The following XKR6 variants were observed in gnomAD, a reference collection of about 807,000 sequenced individuals.
The protein encoded by XKR6 is XK-related protein 6.
XKR6 carries 22 observed loss-of-function variants against 56.7 expected under a neutral mutation model. That is an observed-to-expected ratio of 0.39 (90% CI 0.28 to 0.55). XKR6 has a LOEUF of 0.55. XKR6 is among the 20% of genes least tolerant of loss of function. The probability of loss-of-function intolerance (pLI) is 0.66; values close to 1 mark genes in which losing one functional copy is unlikely to be tolerated. For synonymous variants in XKR6, 524 were observed against 387.8 expected, an observed-to-expected ratio of 1.35 and a Z score of -4.13; for missense variants, 852 against 889.0, an observed-to-expected ratio of 0.96 and a Z score of 0.53.
intron 1 of XKR6, among the ~76,000 whole-genome samples, chr8:11,043,782 G>C (rs191185240): frequency 6.6e-6 from 1 of 152,142 alleles, no homozygotes; most frequent in African/African-American, 2.4e-5. Context: ...ACATACTCCC[G>C]TTTTCATTTA....
At chr8:11,143,136 T>A (rs1247377007) in intron 1 of XKR6, among the ~76,000 whole-genome samples, 1 of 152,140 alleles carries the variant, frequency 6.6e-6, no homozygotes, top group African/African-American at 2.4e-5. Flanking sequence ...TTACAATCCT[T>A]AATAAATTAA....
chr8:11,010,027 GA>G (rs1187546298), intron 1 of XKR6, among the ~76,000 whole-genome samples: 2 of 152,188 alleles, frequency 1.3e-5, no homozygotes, highest in Non-Finnish European at 2.9e-5. Context: ...AATTTATAAA[GA>G]AGAGAGGTTT....
chr8:10,932,325 C>T (rs1338460636), intron 1 of XKR6, among the ~76,000 whole-genome samples: 1 of 152,168 alleles, frequency 6.6e-6, no homozygotes, highest in Non-Finnish European at 1.5e-5. Flanking sequence ...ACATACTCTC[C>T]ACATATGACC....
intron 1 of XKR6, among the ~76,000 whole-genome samples, chr8:11,074,930 T>G (rs1800231564): frequency 6.6e-6 from 1 of 152,208 alleles, no homozygotes; most frequent in Non-Finnish European, 1.5e-5. Flanking sequence ...AAAGCTGCTC[T>G]AGGGCAGTGG....
rs80214350 is a variant in XKR6, at chr8:11,127,811, G to A, written c.764+72765C>T. 1.5e-3 allele frequency among the ~76,000 whole-genome samples: 221 copies of A among 152,200 alleles called. 2 individuals are homozygous for A. The South Asian group carries it at 0.018, about 13-fold the overall frequency. On this transcript the variant is annotated intron_variant, in intron 1 of 2. Transcript: ENST00000416569. ...GATTGGAATATGGACACTGCGGGGG[G>A]CGCCATTAATGTGTCTACCCCAGGG...
At chr8:10,907,156 A>G (rs1302726388) in intron 2 of XKR6, among the ~76,000 whole-genome samples, 3 of 152,224 alleles carry the variant, frequency 2.0e-5, no homozygotes, top group Non-Finnish European at 4.4e-5. Flanking sequence ...GGAGATCAGG[A>G]AAAACCCAAG....
At chr8:11,115,697 C>A (rs945106289) in intron 1 of XKR6, among the ~76,000 whole-genome samples, 1 of 152,130 alleles carries the variant, frequency 6.6e-6, no homozygotes. Context: ...TCATCTTAAC[C>A]CATTTCTGCC....
chr8:10,995,356 T>C (rs1456549876), intron 1 of XKR6, among the ~76,000 whole-genome samples: 1 of 148,798 alleles, frequency 6.7e-6, no homozygotes, highest in East Asian at 1.9e-4. Flanking sequence ...ATCACATATA[T>C]ATATATGTTA....
At chr8:11,011,579 T>C (rs1411452557) in intron 1 of XKR6, among the ~76,000 whole-genome samples, 2 of 152,220 alleles carry the variant, frequency 1.3e-5, no homozygotes, top group African/African-American at 4.8e-5. Flanking sequence ...AACCTCTGGC[T>C]ATGTGGAACT....
chr8:11,021,930 C>G (rs536276604), intron 1 of XKR6, among the ~76,000 whole-genome samples: 2 of 151,970 alleles, frequency 1.3e-5, no homozygotes, highest in East Asian at 3.9e-4. Context: ...TCATTGCTGG[C>G]TGGTACCAGC....
intron 1 of XKR6, among the ~76,000 whole-genome samples, chr8:10,926,972 C>G (rs1014944286): frequency 6.6e-6 from 1 of 152,080 alleles, no homozygotes; most frequent in South Asian, 2.1e-4. Flanking sequence ...CAGACACACA[C>G]GGAGAGACAC....
In XKR6 at chr8:10,957,399, C is replaced by A. The variant is rs112902238; in HGVS notation, c.765-32569G>T. On this transcript the variant is annotated intron_variant, in intron 1 of 2. Coordinates refer to ENST00000416569, the MANE Select transcript of XKR6 (RefSeq NM_173683.4). ...TGTCACCATTGGAACACCCCATTCC[C>A]TTCCTTCAGGCCCTTCTACTCCCTG... Among the ~76,000 whole-genome samples, 1,231 of 152,328 alleles carry A rather than the reference C, an allele frequency of 8.1e-3. 6 individuals are homozygous for A. Among genetic ancestry groups the A allele is most frequent in the Middle Eastern group, 0.017 (5 of 294 alleles).
At chr8:10,975,347 G>A (rs1364538128) in intron 1 of XKR6, among the ~76,000 whole-genome samples, 2 of 152,208 alleles carry the variant, frequency 1.3e-5, no homozygotes, top group African/African-American at 4.8e-5. Context: ...GCCAGCTGCT[G>A]CCCACCAATC....
intron 1 of XKR6, among the ~76,000 whole-genome samples, chr8:10,978,184 C>T (rs949241199): frequency 1.3e-5 from 2 of 152,128 alleles, no homozygotes; most frequent in African/African-American, 2.4e-5. Context: ...CCCTAACTCG[C>T]CATGATTCAG....
chr8:11,054,134 G>A (rs1013918407), intron 1 of XKR6, among the ~76,000 whole-genome samples: 2 of 152,204 alleles, frequency 1.3e-5, no homozygotes, highest in African/African-American at 4.8e-5. Flanking sequence ...CATGGTTGCT[G>A]GCAGGTGTCA....
chr8:11,105,389 G>T (rs2129177374), intron 1 of XKR6: 1 of 152,310 alleles, frequency 6.6e-6, no homozygotes, highest in African/African-American at 2.4e-5. Context: ...TTTGCCACAG[G>T]CTGGCACCTG....
At chr8:11,105,808 A>G (rs1195189757) in intron 1 of XKR6, 1 of 152,242 alleles carries the variant, frequency 6.6e-6, no homozygotes. Context: ...AGCAACTCTC[A>G]CTGGGGAAAT....
At chr8:10,939,208 C>T (rs1387276057) in intron 1 of XKR6, among the ~76,000 whole-genome samples, 1 of 152,134 alleles carries the variant, frequency 6.6e-6, no homozygotes, top group Non-Finnish European at 1.5e-5. Context: ...AAACAGCTGA[C>T]CGGCCCAACC....
At chr8:11,013,001 G>C (rs900128877) in intron 1 of XKR6, among the ~76,000 whole-genome samples, 3 of 152,196 alleles carry the variant, frequency 2.0e-5, no homozygotes, top group Non-Finnish European at 4.4e-5. Flanking sequence ...TTTGCCTGTA[G>C]ACATGCCTTA....
Sources: gnomAD v4.1 joint callset for allele counts (sites outside exome capture counted in the v4.1 genomes callset) on GRCh38, gnomAD v4.1.1 for gene constraint, MANE v1.5 for transcripts, NCBI Gene and HGNC (gene_info 2026-07-23, HGNC 2026-07-21) for gene names.